ARHGEF33: variants seen among roughly 807,000 people sequenced by gnomAD.
ARHGEF33 encodes the protein Rho guanine nucleotide exchange factor 33.
ARHGEF33 carries 72 observed loss-of-function variants against 101.9 expected under a neutral mutation model. The observed-to-expected ratio is 0.71, with a 90% CI of 0.58 to 0.86. The LOEUF (loss-of-function observed/expected upper bound fraction) is 0.86, where lower values mean the gene tolerates loss of function less well. Among genes scored for constraint, ARHGEF33 ranks in the 40% least tolerant of loss-of-function variants. The pLI is 0.00. For synonymous variants in ARHGEF33, 499 were observed against 442.5 expected, an observed-to-expected ratio of 1.13 and a Z score of -1.60; for missense variants, 1,169 against 1,111.3, an observed-to-expected ratio of 1.05 and a Z score of -0.74.
chr2:38,901,897 C>G (rs907390335), intron 2 of ARHGEF33, among the ~76,000 whole-genome samples: 1 of 152,132 alleles, frequency 6.6e-6, no homozygotes, highest in East Asian at 1.9e-4. Flanking sequence ...GGGTGGATCA[C>G]AAGGTCAGGA....
rs756321032 is a variant in ARHGEF33 at position 38,937,401 on chromosome 2, C to T, written c.632C>T (p.Ser211Phe). Residue 211 changes from serine (S) to phenylalanine (F), a missense_variant, in exon 9 of 18, where the codon TCC becomes TTC. Coordinates refer to ENST00000409978, the MANE Select transcript of ARHGEF33 (RefSeq NM_001145451.5). ...TCTTGCCTCTCGGCTGATATCCAGT[C>T]CAAGGGCCATCTCCCATCTGGCATG... The part of the protein sequence containing the change: ...LKSCLSADIQ[S>F]KGHLPSGMWR... The T allele has an allele frequency of 1.6e-5, 24 of 1,502,296 alleles. No individual in the cohort carries two copies. In the South Asian group the frequency reaches 2.6e-4, roughly 17 times the overall value. The allele number at this position is 1,502,296 out of a possible 1,614,324, so 93.1% of individuals were successfully genotyped here.
At chr2:38,967,564 C>A (rs1419708066) in intron 17 of ARHGEF33, among the ~76,000 whole-genome samples, 1 of 152,020 alleles carries the variant, frequency 6.6e-6, no homozygotes, top group Non-Finnish European at 1.5e-5. Flanking sequence ...CTCTCCAGCC[C>A]ACCCTGATTT....
At chr2:38,892,429 G>T (rs1404854461) in intron 1 of ARHGEF33, among the ~76,000 whole-genome samples, 1 of 152,120 alleles carries the variant, frequency 6.6e-6, no homozygotes, top group Non-Finnish European at 1.5e-5. Flanking sequence ...AGATAACTGG[G>T]GAAAAGTAGA....
At chr2:38,966,886 C>T (rs974378833) in intron 17 of ARHGEF33, among the ~76,000 whole-genome samples, 25 of 152,132 alleles carry the variant, frequency 1.6e-4, no homozygotes, top group South Asian at 4.1e-4. Flanking sequence ...AGGGATCTGC[C>T]AGTCCAGCCA....
At position 38,931,234 on chromosome 2, in the gene ARHGEF33, C is replaced by T. The variant is rs1666996064; in HGVS notation, c.488C>T (p.Ser163Phe). 6.5e-7 allele frequency: 1 copy of T among 1,548,086 alleles called. No homozygotes were observed. The highest frequency in any genetic ancestry group is 1.4e-5 in the African/African-American group (1 of 72,872). The part of the protein sequence containing the change: ...PSEDFTNLLP[S>F]QAYEKAQESR... ...GAAGACTTTACCAACCTTTTGCCTT[C>T]TCAGGCCTACGAGAAAGGTACAGTT... The change falls in exon 7 of 18, where the codon TCT becomes TTT. Residue 163 changes from serine (S) to phenylalanine (F), a missense_variant. By Grantham distance (155) the Ser-to-Phe change is radical (BLOSUM62 -2). Transcript: ENST00000409978.
chr2:38,966,200 C>T, intron 17 of ARHGEF33, 55 bp downstream of exon 17: 2 of 1,530,130 alleles, frequency 1.3e-6, no homozygotes. Context: ...TGGGCTAAAT[C>T]TTGAGGTTTT....
intron 2 of ARHGEF33, among the ~76,000 whole-genome samples, chr2:38,902,929 T>C (rs1223839782): frequency 6.6e-6 from 1 of 152,160 alleles, no homozygotes; most frequent in Non-Finnish European, 1.5e-5. Flanking sequence ...GCCTTTCTAA[T>C]AAAGTGACAT....
chr2:38,926,101 A>G (rs2124995705), intron 4 of ARHGEF33, among the ~76,000 whole-genome samples: 1 of 152,326 alleles, frequency 6.6e-6, no homozygotes, highest in East Asian at 1.9e-4. Flanking sequence ...TGAGCCTAAG[A>G]TGCCCTCTGT....
chr2:38,908,005 C>T (rs1666430548), intron 2 of ARHGEF33, among the ~76,000 whole-genome samples: 1 of 151,226 alleles, frequency 6.6e-6, no homozygotes, highest in Non-Finnish European at 1.5e-5. Context: ...ACTACAGGTG[C>T]ATGCCAACAT....
chr2:38,923,940 G>T (rs1386267834), intron 4 of ARHGEF33, among the ~76,000 whole-genome samples: 1 of 152,166 alleles, frequency 6.6e-6, no homozygotes, highest in Non-Finnish European at 1.5e-5. Context: ...AAATCACAAA[G>T]AAAGAGATTT....
At chr2:38,965,935 T>C in intron 16 of ARHGEF33, 71 bp from the exon 17 acceptor site, 1 of 1,518,228 alleles carries the variant, frequency 6.6e-7, no homozygotes, top group Non-Finnish European at 8.9e-7. Context: ...CACCACAAAA[T>C]TGTCCCATAG....
chr2:38,928,703 A>T lies in ARHGEF33; in HGVS notation c.76-204A>T, dbSNP rs1365089532. The T allele has an allele frequency of 1.8e-5, 7 of 386,004 alleles. No homozygotes were observed. In the East Asian group the frequency reaches 2.9e-4, roughly 16 times the overall value. 23.9% of individuals were successfully genotyped at this position (386,004 alleles called of 1,614,324 possible). ...CTTGTCATTTATCAAGCTTCAGCATATGCTATATATAAAGAAGACACTCTT... is the reference window on the plus strand; with the variant it reads ...CTTGTCATTTATCAAGCTTCAGCATTTGCTATATATAAAGAAGACACTCTT... On this transcript the variant is annotated intron_variant, in intron 4 of 17. Transcript: ENST00000409978.
intron 2 of ARHGEF33, among the ~76,000 whole-genome samples, chr2:38,906,461 G>A: frequency 6.6e-6 from 1 of 152,132 alleles, no homozygotes; most frequent in East Asian, 1.9e-4. Context: ...TTTTCTCATT[G>A]TTCCAAACTT....
At chr2:38,963,342 G>A (rs1485958459) in intron 16 of ARHGEF33, among the ~76,000 whole-genome samples, 1 of 152,162 alleles carries the variant, frequency 6.6e-6, no homozygotes, top group Non-Finnish European at 1.5e-5. Flanking sequence ...AGAGCTAGCC[G>A]AGACCTAGTC....
At chr2:38,906,558 A>G (rs1311241012) in intron 2 of ARHGEF33, among the ~76,000 whole-genome samples, 1 of 152,166 alleles carries the variant, frequency 6.6e-6, no homozygotes, top group East Asian at 1.9e-4. Flanking sequence ...CTGGAATTAT[A>G]AAAGAAATAA....
chr2:38,948,709 C>A (rs1239786810), intron 10 of ARHGEF33, among the ~76,000 whole-genome samples: 1 of 152,220 alleles, frequency 6.6e-6, no homozygotes, highest in Non-Finnish European at 1.5e-5. Context: ...GCCCTAATAT[C>A]TTCCAGGGTC....
rs566181452 is a variant in ARHGEF33 at position 38,903,041 on chromosome 2, G to A, written c.-86+7192G>A. Among the ~76,000 whole-genome samples the A allele has an allele frequency of 2.6e-5, 4 of 152,210 alleles. No individual in the cohort carries two copies. In the South Asian group the frequency reaches 8.3e-4, roughly 32 times the overall value. ...TTGCCAAGAGATAGGAACGAAATAGGCCTTGGTGGAGATAAATCATAGCTT... is the reference window on the plus strand; with the variant it reads ...TTGCCAAGAGATAGGAACGAAATAGACCTTGGTGGAGATAAATCATAGCTT... On this transcript the variant is annotated intron_variant, in intron 2 of 17. Coordinates refer to ENST00000409978, the MANE Select transcript of ARHGEF33 (RefSeq NM_001145451.5).
chr2:38,911,133 T>C (rs1029562680), intron 2 of ARHGEF33, among the ~76,000 whole-genome samples: 3 of 152,198 alleles, frequency 2.0e-5, no homozygotes, highest in South Asian at 4.1e-4. Context: ...ATAATGTTGC[T>C]TTTAGGCTCT....
At chr2:38,935,342 G>C (rs192767873) in intron 7 of ARHGEF33, among the ~76,000 whole-genome samples, 1 of 150,596 alleles carries the variant, frequency 6.6e-6, no homozygotes, top group South Asian at 2.1e-4. Flanking sequence ...CACCATGCCC[G>C]GCTAATTTCT....
Sources: gnomAD v4.1 joint callset for allele counts (sites outside exome capture counted in the v4.1 genomes callset) on GRCh38, gnomAD v4.1.1 for gene constraint, MANE v1.5 for transcripts, NCBI Gene and HGNC (gene_info 2026-07-23, HGNC 2026-07-21) for gene names.